SUSD5: variants seen among roughly 807,000 people sequenced by gnomAD.
SUSD5 encodes sushi domain-containing protein 5.
In SUSD5, 33 loss-of-function variants were observed where a neutral mutation model predicts 29.5. The ratio of observed to expected loss-of-function variants is 1.12; its 90% confidence interval spans 0.85 to 1.49. The LOEUF is 1.49. SUSD5 is among the 40% of genes most tolerant of loss of function. The pLI is 0.00. For synonymous variants in SUSD5, 308 were observed against 325.3 expected (o/e 0.95, Z 0.57); for missense variants, 776 against 800.6 (o/e 0.97, Z 0.37).
At chr3:33,157,009 A>G (rs1051470917) in intron 4 of SUSD5, among the ~76,000 whole-genome samples, 13 of 152,202 alleles carry the variant, frequency 8.5e-5, no homozygotes, top group Non-Finnish European at 1.6e-4. Flanking sequence ...CTGTTCATAA[A>G]ACCTCACACA....
chr3:33,203,876 T>C (rs1266645350), intron 3 of SUSD5, among the ~76,000 whole-genome samples: 2 of 151,674 alleles, frequency 1.3e-5, no homozygotes, highest in Non-Finnish European at 2.9e-5. Flanking sequence ...GTTGTTGTTT[T>C]TGCTGTTTTT....
intron 4 of SUSD5, among the ~76,000 whole-genome samples, chr3:33,154,812 TAGTAGA>T (rs2125613059): frequency 6.6e-6 from 1 of 152,312 alleles, no homozygotes; most frequent in East Asian, 1.9e-4. Flanking sequence ...CATGATCATG[TAGTAGA>T]AGGCTCAAGA....
chr3:33,154,126 G>T, intron 4 of SUSD5, 93 bp from the exon 5 acceptor site: 1 of 1,058,516 alleles, frequency 9.4e-7, no homozygotes, highest in Non-Finnish European at 1.3e-6. Flanking sequence ...TAAAGGCTGG[G>T]ACAGAATAAA....
At chr3:33,202,034 A>ATCTC (rs2032129052) in intron 3 of SUSD5, among the ~76,000 whole-genome samples, 1 of 138,404 alleles carries the variant, frequency 7.2e-6, no homozygotes, top group Non-Finnish European at 1.5e-5. Context: ...TTATCTATCT[A>ATCTC]TCTATCTATC....
Position 33,213,773 on chromosome 3 carries a change from C to CAAACAAAACA in SUSD5, c.290+145_290+154dup, listed in dbSNP as rs577823372. On this transcript the variant is annotated intron_variant, in intron 2 of 4. Coordinates refer to ENST00000309558, the MANE Select transcript of SUSD5 (RefSeq NM_015551.2). The stretch of plus-strand genomic sequence containing the variant: ...TGGGCAACAGAGCTAGACTCCATCT[C>CAAACAAAACA]AAACAAAACAAAACAAAACAAAACA... 7.2e-5 allele frequency among the ~76,000 whole-genome samples: 11 copies of CAAACAAAACA among 152,020 alleles called. No individual in the cohort carries two copies. The South Asian group carries it at 1.0e-3, about 14-fold the overall frequency.
At chr3:33,209,657 TTTC>T (rs1283072835) in intron 2 of SUSD5, among the ~76,000 whole-genome samples, 1 of 151,220 alleles carries the variant, frequency 6.6e-6, no homozygotes, top group Non-Finnish European at 1.5e-5. Context: ...CTTTCTTTCT[TTTC>T]TTTTTTTTTC....
rs780183401 is a variant in SUSD5, at chr3:33,174,909, C to T, written c.575G>A (p.Gly192Asp). 6.2e-6 allele frequency: 10 copies of T among 1,614,008 alleles called. 1 individual carries two copies. The South Asian group carries it at 9.9e-5, about 16-fold the overall frequency. The change falls in exon 4 of 5, where the codon GGC becomes GAC. Residue 192 changes from glycine (G) to aspartate (D), a missense_variant. Coordinates refer to ENST00000309558, the MANE Select transcript of SUSD5 (RefSeq NM_015551.2). ...LLCNSCGEWY[G>D]LVQACGKDEA... ...ACCTTTCCCACAGGCCTGCACCAGG[C>T]CGTACCACTCCCCACAGCTGTTACA...
At chr3:33,210,596 G>C (rs1173539939) in intron 2 of SUSD5, among the ~76,000 whole-genome samples, 1 of 152,190 alleles carries the variant, frequency 6.6e-6, no homozygotes, top group Non-Finnish European at 1.5e-5. Context: ...AGATGTGCTA[G>C]ATGTCTACTA....
At chr3:33,187,452 C>G (rs1321771786) in intron 3 of SUSD5, among the ~76,000 whole-genome samples, 4 of 152,132 alleles carry the variant, frequency 2.6e-5, no homozygotes, top group Non-Finnish European at 5.9e-5. Flanking sequence ...TTCAGAAGCT[C>G]CAGTACAACA....
rs1290211243 is a variant in SUSD5, at chr3:33,151,658, A to G, written c.*1084T>C. The G allele has an allele frequency of 6.6e-6, 1 of 152,164 alleles. No individual in the cohort carries two copies. Among genetic ancestry groups the G allele is most frequent in the Non-Finnish European group, 1.5e-5 (1 of 68,030 alleles). 9.4% of individuals were successfully genotyped at this position (152,164 alleles called of 1,614,324 possible). On this transcript the variant is annotated 3_prime_UTR_variant, in exon 5 of 5. Coordinates refer to ENST00000309558, the MANE Select transcript of SUSD5 (RefSeq NM_015551.2). The stretch of plus-strand genomic sequence containing the variant: ...TGTTAGTCCTGGCAAAAATTCCAAG[A>G]CATTCCTAGGCACAGACTGGTCAAG...
Position 33,152,870 on chromosome 3 carries a change from G to A in SUSD5, c.1762C>T (p.Leu588Phe), listed in dbSNP as rs767495775. The change falls in exon 5 of 5, where the codon CTC becomes TTC. Residue 588 changes from leucine to phenylalanine, a missense_variant. Transcript: ENST00000309558. ...CACACCATCCCCACACCTGCCAGGA[G>A]CAGCAGTAGGCACAGGACGGTGACA... ...TIVTVLCLLL[L>F]LAGVGMVWGY... The A allele has an allele frequency of 2.0e-5, 32 of 1,613,972 alleles. No individual in the cohort carries two copies. The highest frequency in any genetic ancestry group is 2.5e-5 in the Non-Finnish European group (30 of 1,179,898).
At chr3:33,172,142 A>G (rs1156502091) in intron 4 of SUSD5, among the ~76,000 whole-genome samples, 3 of 151,376 alleles carry the variant, frequency 2.0e-5, no homozygotes, top group South Asian at 4.2e-4. Flanking sequence ...ACTTTTCTCC[A>G]ATTTGAAGCA....
chr3:33,184,936 T>C (rs1042197754), intron 3 of SUSD5, among the ~76,000 whole-genome samples: 1 of 152,268 alleles, frequency 6.6e-6, no homozygotes, highest in Non-Finnish European at 1.5e-5. Context: ...CTTTTCAAAC[T>C]GTATCTTTTG....
chr3:33,206,572 C>T (rs1405733794), intron 3 of SUSD5, among the ~76,000 whole-genome samples: 1 of 151,982 alleles, frequency 6.6e-6, no homozygotes, highest in Non-Finnish European at 1.5e-5. Context: ...TCCCAACATC[C>T]TTCCATAGAA....
At chr3:33,199,378 A>G (rs913699779) in intron 3 of SUSD5, among the ~76,000 whole-genome samples, 5 of 152,198 alleles carry the variant, frequency 3.3e-5, no homozygotes, top group East Asian at 1.9e-4. Flanking sequence ...GGTTCACACC[A>G]TTCTCCTGCC....
At chr3:33,166,303 T>C (rs1348565492) in intron 4 of SUSD5, among the ~76,000 whole-genome samples, 1 of 152,192 alleles carries the variant, frequency 6.6e-6, no homozygotes, top group Non-Finnish European at 1.5e-5. Flanking sequence ...TGACAAATAT[T>C]AGAAATGGGC....
chr3:33,183,387 C>T (rs1345480254), intron 3 of SUSD5, among the ~76,000 whole-genome samples: 4 of 151,998 alleles, frequency 2.6e-5, no homozygotes, highest in East Asian at 1.9e-4. Context: ...CCTTTCTTAA[C>T]GTATCAATTA....
At chr3:33,176,684 T>C (rs1559449057) in intron 3 of SUSD5, among the ~76,000 whole-genome samples, 3 of 152,254 alleles carry the variant, frequency 2.0e-5, no homozygotes, top group South Asian at 4.1e-4. Flanking sequence ...CAAGGTCATT[T>C]AGGTTTTCTC....
At chr3:33,178,942 A>C (rs1341256298) in intron 3 of SUSD5, among the ~76,000 whole-genome samples, 3 of 151,576 alleles carry the variant, frequency 2.0e-5, no homozygotes, top group Non-Finnish European at 1.5e-5. Context: ...TTCTGCCTTA[A>C]ATGTTTGGCA....
Sources: allele counts gnomAD v4.1 joint callset (sites outside exome capture counted in the v4.1 genomes callset), GRCh38; gene constraint gnomAD v4.1.1; transcripts MANE v1.5; gene names NCBI Gene and HGNC (gene_info 2026-07-23, HGNC 2026-07-21).